The following ARHGAP32 variants were observed in gnomAD, a reference collection of about 807,000 sequenced individuals.
The protein encoded by ARHGAP32 is Rho GTPase activating protein 32, also known as rho GTPase-activating protein 32.
In ARHGAP32, 51 loss-of-function variants were observed where a neutral mutation model predicts 186.5. The observed-to-expected ratio is 0.27, with a 90% CI of 0.22 to 0.35. ARHGAP32 has a LOEUF of 0.35. ARHGAP32 is among the 10% of genes least tolerant of loss of function. The pLI is 1.00. For synonymous variants in ARHGAP32, 950 were observed against 964.3 expected, an observed-to-expected ratio of 0.99 and a Z score of 0.27; for missense variants, 2,186 against 2,623.5, an observed-to-expected ratio of 0.83 and a Z score of 3.64.
At chr11:128,975,808 G>T (rs979862858) in intron 20 of ARHGAP32, among the ~76,000 whole-genome samples, 18 of 152,102 alleles carry the variant, frequency 1.2e-4, no homozygotes, top group African/African-American at 4.1e-4. Context: ...CAGCACTTTG[G>T]GAAGCTGAGG....
intron 10 of ARHGAP32, among the ~76,000 whole-genome samples, chr11:129,045,912 T>C (rs1018682810): frequency 1.3e-5 from 2 of 152,118 alleles, no homozygotes; most frequent in Non-Finnish European, 2.9e-5. Context: ...AAGAACAATG[T>C]AGAGACAGGG....
chr11:128,985,885 T>TATAC, intron 15 of ARHGAP32, 118 bp downstream of exon 15: 1 of 259,342 alleles, frequency 3.9e-6, no homozygotes. Flanking sequence ...TATATATATA[T>TATAC]GAAATGGAAG....
At chr11:129,218,723 T>G (rs1342608046) in intron 1 of ARHGAP32, among the ~76,000 whole-genome samples, 1 of 149,522 alleles carries the variant, frequency 6.7e-6, no homozygotes, top group Non-Finnish European at 1.5e-5. Context: ...TTCCACCCAG[T>G]GCTGAATGTA....
intron 11 of ARHGAP32, among the ~76,000 whole-genome samples, chr11:129,038,896 AAAAAAAAAAAAG>A (rs1435668740): frequency 2.0e-5 from 3 of 149,378 alleles, no homozygotes; most frequent in Non-Finnish European, 3.0e-5. Context: ...TCGAAAAAAA[AAAAAAAAAAAAG>A]AAAAAGAAAA....
chr11:129,040,003 T>C (rs1410962935), intron 11 of ARHGAP32, among the ~76,000 whole-genome samples: 1 of 152,166 alleles, frequency 6.6e-6, no homozygotes, highest in Non-Finnish European at 1.5e-5. Flanking sequence ...CCTAGTCTCC[T>C]GTGAAGAAAT....
intron 1 of ARHGAP32, among the ~76,000 whole-genome samples, chr11:129,229,733 A>C (rs531968828): frequency 5.7e-4 from 87 of 152,314 alleles, no homozygotes; most frequent in South Asian, 2.7e-3. Context: ...CAATTACTTA[A>C]GGATTTTCAC....
intron 1 of ARHGAP32, among the ~76,000 whole-genome samples, chr11:129,187,652 T>A (rs1330913753): frequency 6.6e-6 from 1 of 152,326 alleles, no homozygotes; most frequent in East Asian, 1.9e-4. Context: ...AAACATCTCA[T>A]GTACCCCATA....
chr11:129,251,530 ATCTG>A (rs1165076885), intron 1 of ARHGAP32, among the ~76,000 whole-genome samples: 7 of 152,190 alleles, frequency 4.6e-5, no homozygotes, highest in Non-Finnish European at 8.8e-5. Context: ...TTTGACAGAA[ATCTG>A]TCTAATGATC....
chr11:129,063,945 A>AT lies in ARHGAP32; in HGVS notation c.841dup (p.Ile281AsnfsTer10). ...AGGGGCCCGAGCAGTGTACCTCTTG[A>AT]TAACATGGGCAGCACCGACAGCAGG... On this transcript the variant is annotated frameshift_variant, in exon 9 of 23. Coordinates refer to ENST00000682385, the MANE Select transcript of ARHGAP32 (RefSeq NM_001378024.1). LOFTEE classifies it high-confidence loss of function. The AT allele has an allele frequency of 6.2e-7, 1 of 1,612,906 alleles. No homozygotes were observed. Among genetic ancestry groups the AT allele is most frequent in the Non-Finnish European group, 8.5e-7 (1 of 1,179,318 alleles).
At position 129,065,726 on chromosome 11, in the gene ARHGAP32, A is replaced by G. The variant is rs377326173; in HGVS notation, c.670-793T>C. On this transcript the variant is annotated intron_variant, in intron 7 of 22. Transcript: ENST00000682385. ...GAACATCACTTTATTTAGATCTGGT[A>G]GGGGGAGTGGCTTACACCAATTTTT... Among the ~76,000 whole-genome samples the G allele has an allele frequency of 4.6e-5, 7 of 152,178 alleles. No homozygotes were observed. In the East Asian group the frequency reaches 1.2e-3, roughly 25 times the overall value.
intron 11 of ARHGAP32, among the ~76,000 whole-genome samples, chr11:129,026,182 A>G (rs1311928179): frequency 6.6e-6 from 1 of 152,122 alleles, no homozygotes; most frequent in Non-Finnish European, 1.5e-5. Flanking sequence ...TGGTTTTGAT[A>G]ATGTACTACT....
upstream of ARHGAP32, among the ~76,000 whole-genome samples, chr11:129,195,180 A>C (rs1305211968): frequency 6.6e-6 from 1 of 152,030 alleles, no homozygotes; most frequent in Non-Finnish European, 1.5e-5. Context: ...GGGTTTCACC[A>C]TGTTGGCCAG....
At chr11:129,227,339 G>A (rs79191797) in intron 1 of ARHGAP32, among the ~76,000 whole-genome samples, 31 of 151,774 alleles carry the variant, frequency 2.0e-4, no homozygotes, top group African/African-American at 6.5e-4. Flanking sequence ...ATGCCATAAC[G>A]GAGGAAAAAT....
chr11:129,143,500 T>A (rs557647743), intron 2 of ARHGAP32, among the ~76,000 whole-genome samples: 7 of 152,044 alleles, frequency 4.6e-5, no homozygotes, highest in African/African-American at 1.7e-4. Flanking sequence ...CTTTGTCCAG[T>A]GCATCTACAC....
At chr11:129,160,467 C>T (rs549172640) in intron 2 of ARHGAP32, among the ~76,000 whole-genome samples, 1 of 152,198 alleles carries the variant, frequency 6.6e-6, no homozygotes, top group South Asian at 2.1e-4. Context: ...AATAGACAAA[C>T]AGAGAGCCAA....
chr11:129,129,112 G>A (rs956541151), intron 2 of ARHGAP32, among the ~76,000 whole-genome samples: 8 of 151,830 alleles, frequency 5.3e-5, no homozygotes, highest in African/African-American at 9.7e-5. Context: ...GCCTCTGCCC[G>A]GCCGCGACCC....
rs531194558 is a variant in ARHGAP32 at position 128,980,596 on chromosome 11, G to A, written c.1933C>T (p.Leu645Phe). The A allele has an allele frequency of 6.2e-7, 1 of 1,613,536 alleles. No homozygotes were observed. Among genetic ancestry groups the A allele is most frequent in the Admixed American group, 1.7e-5 (1 of 59,938 alleles). The stretch of plus-strand genomic sequence containing the variant: ...ATTATGGTATGAAATTTCCCCTGAA[G>A]TGCAGCAGGTCCTTCTCCTACTTCG... ...YIEVGEGPAA[L>F]QGKFHTIIEF... The change falls in exon 18 of 23, where the codon CTT becomes TTT. Residue 645 changes from leucine (L) to phenylalanine (F), a missense_variant. This residue lies in a region of ARHGAP32 where 263 missense variants were observed against 323.5 expected (regional missense o/e 0.81). Coordinates refer to ENST00000682385, the MANE Select transcript of ARHGAP32 (RefSeq NM_001378024.1).
chr11:128,988,172 G>T, intron 12 of ARHGAP32, 47 bp from the exon 13 acceptor site: 3 of 1,397,770 alleles, frequency 2.1e-6, no homozygotes, highest in South Asian at 1.3e-5. Context: ...GTATTCACTG[G>T]AACCAAAGTT....
intron 11 of ARHGAP32, among the ~76,000 whole-genome samples, chr11:129,004,839 T>G (rs1312345174): frequency 2.0e-5 from 3 of 152,248 alleles, no homozygotes; most frequent in African/African-American, 7.2e-5. Context: ...CTATGTCTTT[T>G]ATTGAAGAGT....
Sources: allele counts gnomAD v4.1 joint callset (sites outside exome capture counted in the v4.1 genomes callset), GRCh38; gene constraint gnomAD v4.1.1; regional missense constraint gnomAD v4.1.1; transcripts MANE v1.5; gene names NCBI Gene and HGNC (gene_info 2026-07-23, HGNC 2026-07-21).